The following SNX29 variants were observed in gnomAD, a reference collection of about 807,000 sequenced individuals.
SNX29 encodes sorting nexin-29.
A neutral mutation model predicts 102.1 loss-of-function variants in SNX29; 78 were observed. That is an observed-to-expected ratio of 0.76 (90% CI 0.64 to 0.92). The LOEUF (loss-of-function observed/expected upper bound fraction) is 0.92, where lower values mean the gene tolerates loss of function less well. Among genes scored for constraint, SNX29 ranks in the 40% least tolerant of loss-of-function variants. The pLI is 0.00. For missense variants in SNX29, 1,280 were observed against 1,061.7 expected (o/e 1.21, Z -2.86); for synonymous variants, 580 against 414.5 (o/e 1.40, Z -4.85).
At chr16:12,223,075 AT>A (rs2077519977) in intron 14 of SNX29, among the ~76,000 whole-genome samples, 1 of 152,188 alleles carries the variant, frequency 6.6e-6, no homozygotes, top group Non-Finnish European at 1.5e-5. Context: ...GTGATCTGAA[AT>A]GCGTTTCCTC....
chr16:12,453,002 C>T (rs555863944), intron 18 of SNX29, among the ~76,000 whole-genome samples: 12 of 152,270 alleles, frequency 7.9e-5, no homozygotes, highest in Admixed American at 1.3e-4. Flanking sequence ...TCTCAAGGCA[C>T]GGGGCCCTAG....
intron 19 of SNX29, among the ~76,000 whole-genome samples, chr16:12,490,900 C>T (rs1033074916): frequency 2.0e-5 from 3 of 152,198 alleles, no homozygotes; most frequent in Admixed American, 6.5e-5. Flanking sequence ...CAGCTAAACC[C>T]TCTTTGCACC....
At chr16:11,976,873 C>T in intron 1 of SNX29, 60 bp downstream of exon 1, 1 of 1,314,244 alleles carries the variant, frequency 7.6e-7, no homozygotes, top group African/African-American at 1.5e-5. Flanking sequence ...GCCGCTCCAG[C>T]TGCACACTCC....
chr16:12,514,131 G>T (rs1240776833), intron 19 of SNX29, among the ~76,000 whole-genome samples: 1 of 152,206 alleles, frequency 6.6e-6, no homozygotes, highest in East Asian at 1.9e-4. Flanking sequence ...GCTAATGCTT[G>T]AAAGAAGAAA....
At chr16:12,354,928 C>T (rs2082089163) in intron 15 of SNX29, among the ~76,000 whole-genome samples, 1 of 152,188 alleles carries the variant, frequency 6.6e-6, no homozygotes, top group Non-Finnish European at 1.5e-5. Context: ...GTCATTTTCA[C>T]TTACTATTTC....
chr16:11,987,202 CT>C (rs2055664283), intron 1 of SNX29, among the ~76,000 whole-genome samples: 1 of 151,782 alleles, frequency 6.6e-6, no homozygotes, highest in African/African-American at 2.4e-5. Flanking sequence ...GAGGCTGGGA[CT>C]ACAGGTGTGT....
intron 14 of SNX29, among the ~76,000 whole-genome samples, chr16:12,240,853 A>G (rs1473241022): frequency 6.6e-6 from 1 of 151,450 alleles, no homozygotes; most frequent in Non-Finnish European, 1.5e-5. Context: ...TGATCCACCC[A>G]CCTTGGCCTG....
intron 15 of SNX29, among the ~76,000 whole-genome samples, chr16:12,351,092 C>A (rs117931497): frequency 0.011 from 1,656 of 152,274 alleles, 13 homozygotes; most frequent in Non-Finnish European, 0.017. Context: ...ACATTTGAGG[C>A]TTATAAGCCA....
chr16:12,543,249 GATGCAGCTCTGGGTCATCAGCGC>G (rs2077425125), intron 20 of SNX29, among the ~76,000 whole-genome samples: 1 of 152,182 alleles, frequency 6.6e-6, no homozygotes, highest in Non-Finnish European at 1.5e-5. Flanking sequence ...GATTCTGAAT[GATGCAGCTCTGGGTCATCAGCGC>G]ATGCATCTGG....
chr16:12,260,004 C>G (rs1475983326), intron 14 of SNX29, among the ~76,000 whole-genome samples: 2 of 152,192 alleles, frequency 1.3e-5, no homozygotes, highest in African/African-American at 4.8e-5. Context: ...CCACGTTCCT[C>G]CAGTCTTCTC....
intron 19 of SNX29, among the ~76,000 whole-genome samples, chr16:12,489,146 C>G (rs1283120811): frequency 6.6e-6 from 1 of 152,214 alleles, no homozygotes; most frequent in Non-Finnish European, 1.5e-5. Flanking sequence ...TGGCTCTTAC[C>G]CTTTTGAGTA....
intron 15 of SNX29, among the ~76,000 whole-genome samples, chr16:12,344,532 G>C: frequency 6.6e-6 from 1 of 152,172 alleles, no homozygotes; most frequent in East Asian, 1.9e-4. Context: ...TTTGTGGAAT[G>C]AATGAATAAA....
At chr16:12,013,499 AAATATATATATATAT>A (rs1226136455) in intron 3 of SNX29, among the ~76,000 whole-genome samples, 11 of 69,028 alleles carry the variant, frequency 1.6e-4, no homozygotes, top group African/African-American at 7.2e-4. Context: ...AAAAAAAAAA[AAATATATATATATAT>A]ATATATATAT....
intron 15 of SNX29, among the ~76,000 whole-genome samples, chr16:12,324,960 A>T (rs1393841154): frequency 6.6e-6 from 1 of 152,170 alleles, no homozygotes; most frequent in Non-Finnish European, 1.5e-5. Flanking sequence ...GGCTTTACTC[A>T]GGAGGGTTTT....
intron 10 of SNX29, among the ~76,000 whole-genome samples, chr16:12,077,821 A>G (rs1035427512): frequency 6.6e-6 from 1 of 151,974 alleles, no homozygotes; most frequent in Non-Finnish European, 1.5e-5. Flanking sequence ...GGGTTTTGCC[A>G]TGTTCGCCAG....
intron 10 of SNX29, among the ~76,000 whole-genome samples, chr16:12,075,622 C>G (rs2051520857): frequency 6.6e-6 from 1 of 152,226 alleles, no homozygotes; most frequent in East Asian, 1.9e-4. Flanking sequence ...GGGTCAGGGA[C>G]CCACTTGAGG....
chr16:12,447,302 G>A (rs902084533), intron 18 of SNX29, among the ~76,000 whole-genome samples: 2 of 151,630 alleles, frequency 1.3e-5, no homozygotes, highest in Non-Finnish European at 2.9e-5. Flanking sequence ...TGAGCTTTGG[G>A]CACCTTTCTG....
intron 15 of SNX29, among the ~76,000 whole-genome samples, chr16:12,330,948 G>A (rs544817828): frequency 6.6e-6 from 1 of 152,358 alleles, no homozygotes; most frequent in East Asian, 1.9e-4. Context: ...TAGCCCCCTG[G>A]CTTATAGGCT....
At position 12,573,833 on chromosome 16, in the gene SNX29, TC is replaced by T. The variant is rs201835537; in HGVS notation, c.*5206del. ...GTAGAGCTAATTGGAATTTTTATTA[TC>T]CAGGACTCATCCTAAGAAGAATGTT... On this transcript the variant is annotated 3_prime_UTR_variant, in exon 21 of 21. Coordinates refer to ENST00000566228, the MANE Select transcript of SNX29 (RefSeq NM_032167.5). 397 of 215,078 alleles carry T rather than the reference TC, an allele frequency of 1.8e-3. 5 individuals are homozygous for T. In the East Asian group the frequency reaches 0.019, roughly 10 times the overall value. The allele number at this position is 215,078 out of a possible 1,614,324, so 13.3% of individuals were successfully genotyped here. A position where few individuals can be genotyped will look rare whatever the true frequency, so the allele number is the denominator to read the frequency against.
Sources: gnomAD v4.1 joint callset for allele counts (sites outside exome capture counted in the v4.1 genomes callset) on GRCh38, gnomAD v4.1.1 for gene constraint, MANE v1.5 for transcripts, NCBI Gene and HGNC (gene_info 2026-07-23, HGNC 2026-07-21) for gene names.